EGFLAM: variants seen among roughly 807,000 people sequenced by gnomAD.
EGFLAM encodes the protein EGF like, fibronectin type III and laminin G domains, also known as pikachurin.
Under a neutral mutation model 113.1 loss-of-function variants are expected in EGFLAM, and 79 were observed. The ratio of observed to expected loss-of-function variants is 0.70; its 90% confidence interval spans 0.58 to 0.84. EGFLAM has a LOEUF of 0.84. Among genes scored for constraint, EGFLAM ranks in the 40% least tolerant of loss-of-function variants. The probability of loss-of-function intolerance (pLI) is 0.00; values close to 1 mark genes in which losing one functional copy is unlikely to be tolerated. For synonymous variants in EGFLAM, 504 were observed against 487.6 expected, an observed-to-expected ratio of 1.03 and a Z score of -0.44; for missense variants, 1,265 against 1,291.6, an observed-to-expected ratio of 0.98 and a Z score of 0.32.
intron 12 of EGFLAM, among the ~76,000 whole-genome samples, chr5:38,421,267 G>A: frequency 6.6e-6 from 1 of 152,194 alleles, no homozygotes; most frequent in Non-Finnish European, 1.5e-5. Context: ...CTCTCTGCAA[G>A]TCACATTCTA....
intron 17 of EGFLAM, among the ~76,000 whole-genome samples, chr5:38,441,620 A>ACACACACACG (rs1327443438): frequency 3.9e-5 from 6 of 151,954 alleles, no homozygotes; most frequent in African/African-American, 1.5e-4. Context: ...ACACACACAC[A>ACACACACACG]CACGCATTCA....
At chr5:38,299,527 C>T (rs1483877586) in intron 1 of EGFLAM, among the ~76,000 whole-genome samples, 1 of 152,136 alleles carries the variant, frequency 6.6e-6, no homozygotes, top group Non-Finnish European at 1.5e-5. Context: ...GCGGATCCCT[C>T]TTGAATGGCT....
At chr5:38,311,988 G>T (rs1415045758) in intron 1 of EGFLAM, among the ~76,000 whole-genome samples, 1 of 152,192 alleles carries the variant, frequency 6.6e-6, no homozygotes, top group Non-Finnish European at 1.5e-5. Flanking sequence ...GGATTCTGGG[G>T]TATGAGTCCA....
intron 3 of EGFLAM, among the ~76,000 whole-genome samples, chr5:38,345,157 A>G (rs1739442992): frequency 6.6e-6 from 1 of 152,234 alleles, no homozygotes; most frequent in Non-Finnish European, 1.5e-5. Context: ...CATGAGGGAA[A>G]TCAGACCAAC....
intron 5 of EGFLAM, among the ~76,000 whole-genome samples, chr5:38,359,429 T>A (rs1323315909): frequency 6.6e-6 from 1 of 152,146 alleles, no homozygotes; most frequent in Non-Finnish European, 1.5e-5. Context: ...GTAATCCTAG[T>A]AATCCCAGTC....
intron 6 of EGFLAM, among the ~76,000 whole-genome samples, chr5:38,386,085 A>G (rs1740653918): frequency 6.6e-6 from 1 of 152,244 alleles, no homozygotes; most frequent in Non-Finnish European, 1.5e-5. Context: ...CGGGCCTACC[A>G]TTGTACATGG....
At chr5:38,435,616 C>T (rs189508998) in intron 16 of EGFLAM, among the ~76,000 whole-genome samples, 65 of 152,208 alleles carry the variant, frequency 4.3e-4, no homozygotes, top group African/African-American at 1.3e-3. Flanking sequence ...CTTGGCTCTG[C>T]GCTTCTCTTT....
chr5:38,409,008 A>G lies in EGFLAM; in HGVS notation c.1253A>G (p.Glu418Gly). ...AFQITLEFRA[E>G]AEDGLLLYCG... ...CTTTTGTTTGTATAATCACAGGCGG[A>G]GGCAGAGGATGGCTTACTGCTCTAC... The change falls in exon 10 of 22, where the codon GAG (glutamate) becomes GGG (glycine). Residue 418 changes from glutamate to glycine, a missense_variant. Transcript: ENST00000322350. 1 of 1,586,778 alleles carries G rather than the reference A, an allele frequency of 6.3e-7. No individual in the cohort carries two copies. Among genetic ancestry groups the G allele is most frequent in the South Asian group, 1.1e-5 (1 of 87,066 alleles).
At chr5:38,329,261 C>A (rs1372871466) in intron 1 of EGFLAM, among the ~76,000 whole-genome samples, 1 of 151,164 alleles carries the variant, frequency 6.6e-6, no homozygotes, top group East Asian at 1.9e-4. Flanking sequence ...TGCACTCCAG[C>A]CTGGGTGACA....
Position 38,409,061 on chromosome 5 carries a change from G to T in EGFLAM, c.1306G>T (p.Asp436Tyr), listed in dbSNP as rs1487819724. Residue 436 changes from aspartate (D) to tyrosine (Y), a missense_variant, in exon 10 of 22, where the codon GAT (aspartate) becomes TAT (tyrosine). Physicochemically the swap from Asp to Tyr is radical, Grantham distance 160. Coordinates refer to ENST00000322350, the MANE Select transcript of EGFLAM (RefSeq NM_152403.4). The stretch of plus-strand genomic sequence containing the variant: ...TGGGGAGAACGAACACGGGAGGGGG[G>T]ATTTCATGTCCCTGGCTATCATCCG... ...YCGENEHGRGDFMSLAIIRRS... is the reference protein window; with the variant it reads ...YCGENEHGRGYFMSLAIIRRS... The T allele has an allele frequency of 2.5e-6, 4 of 1,594,792 alleles. No individual in the cohort carries two copies. Among genetic ancestry groups the T allele is most frequent in the Non-Finnish European group, 2.6e-6 (3 of 1,169,488 alleles).
chr5:38,397,771 C>A (rs1579867494), intron 6 of EGFLAM, among the ~76,000 whole-genome samples: 1 of 152,154 alleles, frequency 6.6e-6, no homozygotes, highest in Non-Finnish European at 1.5e-5. Flanking sequence ...CCCAAACTGT[C>A]ATTTGACTCT....
intron 4 of EGFLAM, among the ~76,000 whole-genome samples, chr5:38,350,910 C>CCTA (rs1450734652): frequency 1.3e-5 from 2 of 151,986 alleles, no homozygotes; most frequent in African/African-American, 4.8e-5. Flanking sequence ...TAGTGGAGAT[C>CCTA]CTACAGGTAA....
intron 6 of EGFLAM, among the ~76,000 whole-genome samples, chr5:38,376,758 C>G (rs915402177): frequency 6.6e-6 from 1 of 152,080 alleles, no homozygotes; most frequent in Non-Finnish European, 1.5e-5. Context: ...GCAACCTCCA[C>G]CTCCCGGGCT....
intron 3 of EGFLAM, among the ~76,000 whole-genome samples, chr5:38,342,587 T>C (rs1739363824): frequency 6.6e-6 from 1 of 152,208 alleles, no homozygotes; most frequent in Admixed American, 6.5e-5. Context: ...TAGCTTTCAA[T>C]TTGGCAGCAT....
At chr5:38,285,081 G>C (rs1278451156) in intron 1 of EGFLAM, among the ~76,000 whole-genome samples, 1 of 152,130 alleles carries the variant, frequency 6.6e-6, no homozygotes, top group Non-Finnish European at 1.5e-5. Flanking sequence ...GATTGTAGAA[G>C]TTAAGGGGAT....
chr5:38,289,385 T>C (rs1267835558), intron 1 of EGFLAM, among the ~76,000 whole-genome samples: 1 of 152,170 alleles, frequency 6.6e-6, no homozygotes, highest in Non-Finnish European at 1.5e-5. Context: ...CCATCTGTAT[T>C]AGTCGGAGTA....
intron 3 of EGFLAM, among the ~76,000 whole-genome samples, chr5:38,347,127 T>C (rs577856004): frequency 2.6e-5 from 4 of 152,216 alleles, no homozygotes; most frequent in African/African-American, 9.6e-5. Flanking sequence ...CTGGAGGTGC[T>C]AATCCAAGGC....
intron 16 of EGFLAM, 27 bp downstream of exon 16, chr5:38,435,280 C>T: frequency 6.6e-7 from 1 of 1,515,066 alleles, no homozygotes; most frequent in Non-Finnish European, 9.2e-7. Flanking sequence ...CTCATGTTTA[C>T]TGGGCCACCC....
chr5:38,284,405 C>T (rs1184257967), intron 1 of EGFLAM, among the ~76,000 whole-genome samples: 2 of 152,130 alleles, frequency 1.3e-5, no homozygotes, highest in African/African-American at 4.8e-5. Flanking sequence ...TCAGCTCCAC[C>T]ATTGTAGAGC....
Sources: gnomAD v4.1 joint callset for allele counts (sites outside exome capture counted in the v4.1 genomes callset) on GRCh38, gnomAD v4.1.1 for gene constraint, MANE v1.5 for transcripts, NCBI Gene and HGNC (gene_info 2026-07-23, HGNC 2026-07-21) for gene names.